PPP2R2B: variants seen among roughly 807,000 people sequenced by gnomAD.
PPP2R2B encodes protein phosphatase 2 regulatory subunit Bbeta, also known as serine/threonine-protein phosphatase 2A 55 kDa regulatory subunit B beta isoform.
In PPP2R2B, 5 loss-of-function variants were observed where a neutral mutation model predicts 46.0. The ratio of observed to expected loss-of-function variants is 0.11; its 90% confidence interval spans 0.06 to 0.23. The LOEUF (loss-of-function observed/expected upper bound fraction) is 0.23. PPP2R2B is among the 10% of genes least tolerant of loss of function. PPP2R2B has a pLI of 1.00. For missense variants in PPP2R2B, 367 were observed against 575.0 expected, an observed-to-expected ratio of 0.64 and a Z score of 3.70; for synonymous variants, 215 against 206.7, an observed-to-expected ratio of 1.04 and a Z score of -0.34.
At chr5:147,017,767 G>A (rs1168090926) in intron 1 of PPP2R2B, among the ~76,000 whole-genome samples, 1 of 152,086 alleles carries the variant, frequency 6.6e-6, no homozygotes, top group Admixed American at 6.6e-5. Flanking sequence ...TTTAGAGTGA[G>A]AAGGAAAACA....
chr5:146,962,939 C>T (rs1752240830), intron 1 of PPP2R2B, among the ~76,000 whole-genome samples: 1 of 152,174 alleles, frequency 6.6e-6, no homozygotes, highest in African/African-American at 2.4e-5. Flanking sequence ...GTGGACTGAG[C>T]AACTGGCTAA....
At chr5:147,016,115 T>C (rs778893023) in intron 1 of PPP2R2B, among the ~76,000 whole-genome samples, 2 of 151,570 alleles carry the variant, frequency 1.3e-5, no homozygotes, top group Non-Finnish European at 2.9e-5. Context: ...GCAGGTACAT[T>C]GCTTGGTCCC....
chr5:146,851,863 G>A (rs1049060765), intron 2 of PPP2R2B, among the ~76,000 whole-genome samples: 1 of 151,852 alleles, frequency 6.6e-6, no homozygotes, highest in Non-Finnish European at 1.5e-5. Flanking sequence ...GTTGTTAGTG[G>A]TACAGAAAAT....
intron 1 of PPP2R2B, among the ~76,000 whole-genome samples, chr5:146,947,635 A>G (rs1764524463): frequency 6.6e-6 from 1 of 151,966 alleles, no homozygotes; most frequent in Non-Finnish European, 1.5e-5. Flanking sequence ...GGCCAGCCCT[A>G]TTTTGTGACT....
At chr5:146,606,889 G>C (rs562363459) in intron 7 of PPP2R2B, 1 of 152,182 alleles carries the variant, frequency 6.6e-6, no homozygotes, top group Non-Finnish European at 1.5e-5. Flanking sequence ...ATGAGGGTCC[G>C]CTCACGATGA....
chr5:146,922,420 T>C (rs1763638286), intron 1 of PPP2R2B: 1 of 152,202 alleles, frequency 6.6e-6, no homozygotes, highest in African/African-American at 2.4e-5. Flanking sequence ...ATTTGATGGC[T>C]TTTCATTTGT....
chr5:146,655,943 G>A (rs1378728575), intron 5 of PPP2R2B, among the ~76,000 whole-genome samples: 1 of 152,104 alleles, frequency 6.6e-6, no homozygotes, highest in Non-Finnish European at 1.5e-5. Flanking sequence ...TCAGTCAGAG[G>A]GACCAGCAGT....
chr5:147,071,631 G>C (rs969078638), intron 2 of PPP2R2B, among the ~76,000 whole-genome samples: 1 of 151,504 alleles, frequency 6.6e-6, no homozygotes, highest in African/African-American at 2.4e-5. Context: ...ATATTCACAA[G>C]ACGATATTTT....
intron 2 of PPP2R2B, among the ~76,000 whole-genome samples, chr5:146,821,756 C>T (rs997092018): frequency 3.3e-5 from 5 of 151,298 alleles, no homozygotes; most frequent in East Asian, 1.9e-4. Flanking sequence ...CTATTTAGAC[C>T]TCATGTGCCT....
intron 2 of PPP2R2B, among the ~76,000 whole-genome samples, chr5:146,739,494 A>T (rs1473136277): frequency 6.6e-6 from 1 of 152,184 alleles, no homozygotes; most frequent in Admixed American, 6.5e-5. Context: ...AACATGGTAC[A>T]TTTGGGGACC....
At chr5:146,642,582 C>G (rs72811852) in intron 6 of PPP2R2B, among the ~76,000 whole-genome samples, 1 of 152,090 alleles carries the variant, frequency 6.6e-6, no homozygotes. Context: ...GCACAAAATT[C>G]TAACAACAGT....
At chr5:147,062,454 C>T (rs1757287300) in intron 2 of PPP2R2B, among the ~76,000 whole-genome samples, 1 of 152,100 alleles carries the variant, frequency 6.6e-6, no homozygotes, top group South Asian at 2.1e-4. Flanking sequence ...AGTGCTACAC[C>T]TAGAATATCT....
rs1372279294 is a variant in PPP2R2B at position 146,897,118 on chromosome 5, A to C, written c.79+158547T>G. 2.0e-5 allele frequency among the ~76,000 whole-genome samples: 3 copies of C among 152,208 alleles called. No individual in the cohort carries two copies. The East Asian group carries it at 5.8e-4, about 29-fold the overall frequency. On this transcript the variant is annotated intron_variant, in intron 1 of 8. Coordinates refer to the PPP2R2B transcript ENST00000336640. ...AGAATATAAAGAGGGTCATTAAGTG[A>C]ACGATGCATTTCATGTGTTTCTGAG...
At chr5:146,832,379 CTTTTTTTTTTTTTT>C (rs34269274) in intron 2 of PPP2R2B, among the ~76,000 whole-genome samples, 8 of 70,192 alleles carry the variant, frequency 1.1e-4, no homozygotes, top group African/African-American at 3.6e-4. Flanking sequence ...CATTTTTAAT[CTTTTTTTTTTTTTT>C]TTTTTTTTTT....
Position 146,878,659 on chromosome 5 carries a change from G to A in PPP2R2B, c.-193C>T. 4 of 1,267,074 alleles carry A rather than the reference G, an allele frequency of 3.2e-6. No homozygotes were observed. The highest frequency in any genetic ancestry group is 4.1e-6 in the Non-Finnish European group (4 of 977,122). The allele number at this position is 1,267,074 out of a possible 1,614,324, so 78.5% of individuals were successfully genotyped here. ...GCAGGCGGGGGTAGGGAAGCTGGCG[G>A]GGAGCTGGGCAGGGCGCTGCAGCCG... On this transcript the variant is annotated 5_prime_UTR_variant, in exon 1 of 10. Coordinates refer to ENST00000394411, the MANE Select transcript of PPP2R2B (RefSeq NM_181675.4). The surrounding 1 kb of genome is among the most constrained non-coding windows in gnomAD (Gnocchi z 4.5).
chr5:146,663,932 TC>T (rs1311133211), intron 5 of PPP2R2B, among the ~76,000 whole-genome samples: 2 of 152,158 alleles, frequency 1.3e-5, no homozygotes, highest in Non-Finnish European at 2.9e-5. Flanking sequence ...AACCTCTGCC[TC>T]CCGGGTTTAA....
At chr5:146,731,359 G>A (rs1241297789) in intron 2 of PPP2R2B, among the ~76,000 whole-genome samples, 2 of 152,156 alleles carry the variant, frequency 1.3e-5, no homozygotes, top group Admixed American at 1.3e-4. Flanking sequence ...CTTTTTCAGG[G>A]TCTTATAGTA....
At chr5:146,974,395 C>A (rs1363730849) in intron 1 of PPP2R2B, among the ~76,000 whole-genome samples, 2 of 152,060 alleles carry the variant, frequency 1.3e-5, no homozygotes, top group Non-Finnish European at 2.9e-5. Flanking sequence ...TATGAGTAAC[C>A]AGTTGAAGGT....
At chr5:146,839,939 T>G (rs1164081450) in intron 2 of PPP2R2B, among the ~76,000 whole-genome samples, 3 of 152,242 alleles carry the variant, frequency 2.0e-5, no homozygotes, top group Non-Finnish European at 4.4e-5. Flanking sequence ...ACAATTGTTC[T>G]GAGTTGTTGC....
Sources: gnomAD v4.1 joint callset for allele counts (sites outside exome capture counted in the v4.1 genomes callset) on GRCh38, gnomAD v4.1.1 for gene constraint, Gnocchi (gnomAD v3.1) non-coding constraint, MANE v1.5 for transcripts, NCBI Gene and HGNC (gene_info 2026-07-23, HGNC 2026-07-21) for gene names.